Variants in CRMP1 observed in about 807,000 individuals in gnomAD.
The protein encoded by CRMP1 is dihydropyrimidinase-related protein 1.
A neutral mutation model predicts 68.3 loss-of-function variants in CRMP1; 19 were observed. The observed-to-expected ratio is 0.28, with a 90% CI of 0.19 to 0.41. The LOEUF is 0.41. Among genes scored for constraint, CRMP1 ranks in the 10% least tolerant of loss-of-function variants. The probability of loss-of-function intolerance (pLI) is 1.00; values close to 1 mark genes in which losing one functional copy is unlikely to be tolerated. For missense variants in CRMP1, 791 were observed against 967.4 expected (o/e 0.82, Z 2.42); for synonymous variants, 439 against 399.6 (o/e 1.10, Z -1.18).
chr4:5,825,873 CT>C lies in CRMP1; in HGVS notation c.1804-215del, dbSNP rs1325743296. ...CACACAAGCATGCATACACACACAT[CT>C]ACATACCCACATGCATACACATACA... On this transcript the variant is annotated intron_variant, in intron 12 of 13. Transcript: ENST00000324989. This position sits in a 1 kb window ranked among gnomAD's most constrained non-coding sequence, Gnocchi z 4.4. The C allele has an allele frequency of 2.5e-5, 13 of 519,976 alleles. No homozygotes were observed. Among genetic ancestry groups the C allele is most frequent in the Non-Finnish European group, 3.4e-5 (10 of 291,976 alleles). The allele number at this position is 519,976 out of a possible 1,614,324, so 32.2% of individuals were successfully genotyped here.
chr4:5,835,237 G>C (rs1300047077), intron 11 of CRMP1, among the ~76,000 whole-genome samples: 2 of 152,076 alleles, frequency 1.3e-5, no homozygotes, highest in African/African-American at 2.4e-5. Context: ...GTGGCCTCTT[G>C]GGTCTGTGCG....
At position 5,855,383 on chromosome 4, in the gene CRMP1, G is replaced by A. The variant is rs938946798; in HGVS notation, c.820+760C>T. ...AGGCTGCCTCCTCAGAGGGCTCCCC[G>A]ACTGCCCCTTTCTGGACAGATCGCT... On this transcript the variant is annotated intron_variant, in intron 4 of 13. Coordinates refer to ENST00000324989, the MANE Select transcript of CRMP1 (RefSeq NM_001014809.3). The surrounding 1 kb of genome is among the most constrained non-coding windows in gnomAD (Gnocchi z 4.9). Among the ~76,000 whole-genome samples the A allele has an allele frequency of 1.3e-5, 2 of 152,178 alleles. No individual in the cohort carries two copies. Among genetic ancestry groups the A allele is most frequent in the Non-Finnish European group, 2.9e-5 (2 of 68,018 alleles).
At chr4:5,832,553 G>A (rs1487311445) in intron 11 of CRMP1, among the ~76,000 whole-genome samples, 1 of 152,176 alleles carries the variant, frequency 6.6e-6, no homozygotes, top group South Asian at 2.1e-4. Context: ...AAAACAAAAC[G>A]AACCTCTAAG....
At chr4:5,827,693 T>G (rs1719874976) in intron 12 of CRMP1, among the ~76,000 whole-genome samples, 1 of 151,084 alleles carries the variant, frequency 6.6e-6, no homozygotes, top group South Asian at 2.1e-4. Flanking sequence ...CATGTACACA[T>G]GCACACATGA....
intron 12 of CRMP1, chr4:5,826,583 G>T (rs1719663420): frequency 6.6e-6 from 1 of 152,440 alleles, no homozygotes; most frequent in African/African-American, 2.4e-5. Context: ...GCAGGAGGCT[G>T]TCAGCCTGCT....
chr4:5,856,645 C>T (rs1445877291), intron 3 of CRMP1, among the ~76,000 whole-genome samples: 1 of 150,066 alleles, frequency 6.7e-6, no homozygotes, highest in African/African-American at 2.5e-5. Context: ...TCATTATCAA[C>T]CCATCACCAT....
At position 5,859,807 on chromosome 4, in the gene CRMP1, T is replaced by C. The variant is rs1292285701; in HGVS notation, c.655+1219A>G. Among the ~76,000 whole-genome samples the C allele has an allele frequency of 2.0e-5, 3 of 152,074 alleles. No homozygotes were observed. The highest frequency in any genetic ancestry group is 4.4e-5 in the Non-Finnish European group (3 of 68,010). ...ACTTGGCAAACTCTGCCCATGGCGG[T>C]GGGCTTCAGCCCACAGACCACACTT... On this transcript the variant is annotated intron_variant, in intron 3 of 13. Coordinates refer to ENST00000324989, the MANE Select transcript of CRMP1 (RefSeq NM_001014809.3). This position sits in a 1 kb window ranked among gnomAD's most constrained non-coding sequence, Gnocchi z 5.2.
chr4:5,862,745 A>G (rs1205359487), intron 2 of CRMP1, among the ~76,000 whole-genome samples: 1 of 152,232 alleles, frequency 6.6e-6, no homozygotes, highest in East Asian at 1.9e-4. Flanking sequence ...ATCACAGCTC[A>G]GTCTGATTCA....
At chr4:5,830,741 T>C (rs1720312034) in intron 11 of CRMP1, among the ~76,000 whole-genome samples, 1 of 152,228 alleles carries the variant, frequency 6.6e-6, no homozygotes, top group Non-Finnish European at 1.5e-5. Context: ...GGATGACTGA[T>C]ACCCCCGGGC....
Position 5,891,301 on chromosome 4 carries a change from GC to G in CRMP1, c.381+1287del, listed in dbSNP as rs1329319551. Among the ~76,000 whole-genome samples, 7 of 151,770 alleles carry G rather than the reference GC, an allele frequency of 4.6e-5. No individual in the cohort carries two copies. The East Asian group carries it at 1.2e-3, about 25-fold the overall frequency. ...AACAGCCCGCCCGCGAAGGGATGGG[GC>G]CCGAAGAGGCCCACCACCGTGTTTA... On this transcript the variant is annotated intron_variant, in intron 1 of 13. Transcript: ENST00000324989. The surrounding 1 kb of genome is among the most constrained non-coding windows in gnomAD (Gnocchi z 5.2).
In CRMP1 at chr4:5,870,225, C is replaced by G. The variant is rs143346578; in HGVS notation, c.382-3469G>C. 9.0e-4 allele frequency among the ~76,000 whole-genome samples: 137 copies of G among 152,346 alleles called. 1 individual carries two copies. The highest frequency in any genetic ancestry group is 3.2e-3 in the African/African-American group (132 of 41,582). ...ATCTGAGTGCCCTCCGCTCGACTTC[C>G]CCTGTTTGGGACAACACACACCACC... On this transcript the variant is annotated intron_variant, in intron 1 of 13. Transcript: ENST00000324989. This position sits in a 1 kb window ranked among gnomAD's most constrained non-coding sequence, Gnocchi z 6.0.
Position 5,851,450 on chromosome 4 carries a change from G to C in CRMP1, c.840C>G (p.Val280=). Residue 280 remains valine (V), a synonymous_variant, in exon 5 of 14, where the codon GTC becomes GTG. Coordinates refer to ENST00000324989, the MANE Select transcript of CRMP1 (RefSeq NM_001014809.3). ...GGTAGACATCCTTATAGGCCATGTA[G>C]ACTTGGAAGGAATTGACGCCTGTTT... ...VQDKGVNSFQ[V]YMAYKDVYQM... is the part of the protein sequence containing the mutation. The C allele has an allele frequency of 2.5e-6, 4 of 1,614,172 alleles. No homozygotes were observed. The highest frequency in any genetic ancestry group is 3.4e-6 in the Non-Finnish European group (4 of 1,179,990).
Position 5,855,494 on chromosome 4 carries a change from A to G in CRMP1, c.820+649T>C, listed in dbSNP as rs1712990323. Among the ~76,000 whole-genome samples the G allele has an allele frequency of 6.6e-6, 1 of 152,156 alleles. No individual in the cohort carries two copies. Among genetic ancestry groups the G allele is most frequent in the Non-Finnish European group, 1.5e-5 (1 of 68,036 alleles). ...CCCCCAGTTCGATGTAACACACACC[A>G]TAAAGGTCTACACTGTGCTGGTGTG... On this transcript the variant is annotated intron_variant, in intron 4 of 13. Transcript: ENST00000324989. The surrounding 1 kb of genome is among the most constrained non-coding windows in gnomAD (Gnocchi z 4.9).
At chr4:5,856,092 T>C in intron 4 of CRMP1, 51 bp downstream of exon 4, 1 of 1,594,224 alleles carries the variant, frequency 6.3e-7, no homozygotes, top group Non-Finnish European at 8.6e-7. Flanking sequence ...TCTTTGGATC[T>C]ACCAAAGAAC....
chr4:5,875,126 T>C (rs1449208273), intron 1 of CRMP1, among the ~76,000 whole-genome samples: 1 of 152,132 alleles, frequency 6.6e-6, no homozygotes, highest in East Asian at 1.9e-4. Context: ...AAGCATTAGG[T>C]TGAGCTCTGC....
intron 1 of CRMP1, among the ~76,000 whole-genome samples, chr4:5,876,765 T>C (rs1158122858): frequency 7.3e-6 from 1 of 136,234 alleles, no homozygotes; most frequent in Admixed American, 8.0e-5. Context: ...TGAAAACTGA[T>C]AGCACGACAG....
Position 5,883,010 on chromosome 4 carries a change from A to G in CRMP1, c.381+9579T>C, listed in dbSNP as rs1024934264. Among the ~76,000 whole-genome samples the G allele has an allele frequency of 1.3e-5, 2 of 152,022 alleles. No individual in the cohort carries two copies. Among genetic ancestry groups the G allele is most frequent in the African/African-American group, 4.8e-5 (2 of 41,398 alleles). ...ATAGAATCCCCCCATAGCCCCACCC[A>G]TTCACATGTATTTCCACTTCTGCGT... is the stretch of plus-strand genomic sequence containing the variant. On this transcript the variant is annotated intron_variant, in intron 1 of 13. Transcript: ENST00000324989. This position sits in a 1 kb window ranked among gnomAD's most constrained non-coding sequence, Gnocchi z 4.5.
Position 5,891,680 on chromosome 4 carries a change from G to C in CRMP1, c.381+909C>G, listed in dbSNP as rs1429670607. On this transcript the variant is annotated intron_variant, in intron 1 of 13. Transcript: ENST00000324989. The surrounding 1 kb of genome is among the most constrained non-coding windows in gnomAD (Gnocchi z 5.2). ...CCAATTCGAAAGCTCCCCAGCCCTC[G>C]GATGCTCCAACTTCCGTTTTTCTGG... Among the ~76,000 whole-genome samples, 1 of 152,122 alleles carries C rather than the reference G, an allele frequency of 6.6e-6. No individual in the cohort carries two copies. The highest frequency in any genetic ancestry group is 1.5e-5 in the Non-Finnish European group (1 of 68,010).
In CRMP1 at chr4:5,892,784, G is replaced by T; in HGVS notation, c.186C>A (p.Arg62=). Residue 62 remains arginine (R), a synonymous_variant, in exon 1 of 14, where the codon CGC becomes CGA. Transcript: ENST00000324989. The surrounding 1 kb of genome is among the most constrained non-coding windows in gnomAD (Gnocchi z 8.6). ...AYSVGRRGSA[R]TPRSAGRPDA... ...CGGGCCGGCCAGCGCTGCGCGGCGT[G>T]CGCGCCGAGCCGCGGCGGCCCACAC... The T allele has an allele frequency of 7.7e-7, 1 of 1,304,412 alleles. No individual in the cohort carries two copies. The allele number at this position is 1,304,412 out of a possible 1,614,324, so 80.8% of individuals were successfully genotyped here.
Sources: allele counts gnomAD v4.1 joint callset (sites outside exome capture counted in the v4.1 genomes callset), GRCh38; gene constraint gnomAD v4.1.1; non-coding constraint Gnocchi (gnomAD v3.1); transcripts MANE v1.5; gene names NCBI Gene and HGNC (gene_info 2026-07-23, HGNC 2026-07-21).